TTN: variants seen among roughly 807,000 people sequenced by gnomAD.
The protein encoded by TTN is titin.
TTN carries 1,525 observed loss-of-function variants against 3,223.0 expected under a neutral mutation model. The ratio of observed to expected loss-of-function variants is 0.47; its 90% CI spans 0.45 to 0.49. TTN has a LOEUF of 0.49. Among genes scored for constraint, TTN ranks in the 20% least tolerant of loss-of-function variants. The pLI, the probability that TTN is intolerant of heterozygous loss-of-function variation, is 0.00. For missense variants in TTN, 40,786 were observed against 43,424.0 expected, an observed-to-expected ratio of 0.94 and a Z score of 5.40; for synonymous variants, 14,094 against 15,161.0, an observed-to-expected ratio of 0.93 and a Z score of 5.17.
Position 178,609,507 on chromosome 2 carries a change from T to G in TTN, c.51803A>C (p.Asp17268Ala). The G allele has an allele frequency of 3.7e-6, 6 of 1,612,592 alleles. No homozygotes were observed. Among genetic ancestry groups the G allele is most frequent in the Non-Finnish European group, 5.1e-6 (6 of 1,179,138 alleles). Reference sequence around the variant, plus strand: ...GTAAGGTGATCCAGAAATACTTGCATCAAGTGCTATTTCATCACCTCGTTT... The same window carrying G: ...GTAAGGTGATCCAGAAATACTTGCAGCAAGTGCTATTTCATCACCTCGTTT... ...EVKRGDEIAL[D>A]ASISGSPYPT... Residue 17268 changes from aspartate (D) to alanine (A), a missense_variant, in exon 273 of 363, where the codon GAT becomes GCT. Coordinates refer to ENST00000589042, the MANE Select transcript of TTN (RefSeq NM_001267550.2).
Position 178,547,177 on chromosome 2 carries a change from GTTCT to G in TTN, c.94344_94347del (p.Lys31448AsnfsTer8), listed in dbSNP as rs727503546. 1 of 1,613,734 alleles carries G rather than the reference GTTCT, an allele frequency of 6.2e-7. No individual in the cohort carries two copies. The highest frequency in any genetic ancestry group is 8.5e-7 in the Non-Finnish European group (1 of 1,179,770). On this transcript the variant is annotated frameshift_variant, in exon 340 of 363. Transcript: ENST00000589042. LOFTEE classifies it high-confidence loss of function. The stretch of plus-strand genomic sequence containing the variant: ...TCTTTCACCCAAAGAATTGTATTAC[GTTCT>G]TTCTTCTCAACCCAGTAGCCAATGA...
At chr2:178,799,033 C>A in intron 6 of TTN, 1 of 176,842 alleles carries the variant, frequency 5.7e-6, no homozygotes, top group Admixed American at 5.4e-5. Context: ...AAATCATATT[C>A]AGTAACTTCT....
Position 178,741,041 on chromosome 2 carries a change from T to C in TTN, c.12192A>G (p.Ala4064=). 1 of 1,613,952 alleles carries C rather than the reference T, an allele frequency of 6.2e-7. No homozygotes were observed. The highest frequency in any genetic ancestry group is 1.1e-5 in the South Asian group (1 of 91,088). ...TTGCAATTTCCTGCTCTGAGTCAAGTGCTTCAACTGCGGGACCCTTTAAGG... is the reference window on the plus strand; with the variant it reads ...TTGCAATTTCCTGCTCTGAGTCAAGCGCTTCAACTGCGGGACCCTTTAAGG... The part of the protein sequence containing the change: ...QTPLKGPAVE[A]LDSEQEIATF... Residue 4064 remains alanine, a synonymous_variant, in exon 48 of 363, where the codon GCA becomes GCG. Coordinates refer to ENST00000589042, the MANE Select transcript of TTN (RefSeq NM_001267550.2).
In TTN at chr2:178,629,537, C is replaced by T. The variant is rs907364302; in HGVS notation, c.44282-94G>A. 5 of 1,562,834 alleles carry T rather than the reference C, an allele frequency of 3.2e-6. No individual in the cohort carries two copies. In the South Asian group the frequency reaches 4.6e-5, roughly 14 times the overall value. Reference sequence around the variant, plus strand: ...AGATATGAATCTTCATGGTTGCTTTCTTCAAGAAGCCACAGGACTGGCCAC... The same window carrying T: ...AGATATGAATCTTCATGGTTGCTTTTTTCAAGAAGCCACAGGACTGGCCAC... On this transcript the variant is annotated intron_variant, in intron 239 of 362. Transcript: ENST00000589042.
Position 178,635,637 on chromosome 2 carries a change from T to A in TTN, c.41687A>T (p.Asp13896Val). 1 of 1,597,308 alleles carries A rather than the reference T, an allele frequency of 6.3e-7. No homozygotes were observed. Among genetic ancestry groups the A allele is most frequent in the Non-Finnish European group, 8.5e-7 (1 of 1,171,044 alleles). Residue 13896 changes from aspartate (D) to valine (V), a missense_variant, in exon 227 of 363, where the codon GAT (aspartate) becomes GTT (valine). Physicochemically the swap from Asp to Val is radical, Grantham distance 152. Coordinates refer to ENST00000589042, the MANE Select transcript of TTN (RefSeq NM_001267550.2). ...AATGTTTGGAGTATCTTTTGCTATATCACAGGCAAAAATAGCTGTCCCCTT... is the reference window on the plus strand; with the variant it reads ...AATGTTTGGAGTATCTTTTGCTATAACACAGGCAAAAATAGCTGTCCCCTT... ...KPKGTAIFAC[D>V]IAKDTPNIKW...
chr2:178,770,339 C>T lies in TTN; in HGVS notation c.8381-19G>A. 6.2e-7 allele frequency: 1 copy of T among 1,614,136 alleles called. No individual in the cohort carries two copies. Among genetic ancestry groups the T allele is most frequent in the Non-Finnish European group, 8.5e-7 (1 of 1,180,010 alleles). On this transcript the variant is annotated intron_variant, in intron 35 of 362. Transcript: ENST00000589042. ...TTGACAGCTAAGAGGAAAATTGGAG[C>T]AATTCAGTGATAGGGTTAACTTAAT...
Position 178,565,956 on chromosome 2 carries a change from T to C in TTN, c.80176A>G (p.Thr26726Ala), listed in dbSNP as rs1258866379. Residue 26726 changes from threonine (T) to alanine (A), a missense_variant, in exon 326 of 363, where the codon ACC becomes GCC. Physicochemically the swap from Thr to Ala is moderately conservative, Grantham distance 58. Coordinates refer to ENST00000589042, the MANE Select transcript of TTN (RefSeq NM_001267550.2). ...KNYVIDKRES[T>A]RKAYANVSSK... Reference sequence around the variant, plus strand: ...CTCACATTAGCATACGCTTTTCTGGTTGACTCACGTTTGTCAATCACATAG... The same window carrying C: ...CTCACATTAGCATACGCTTTTCTGGCTGACTCACGTTTGTCAATCACATAG... The C allele has an allele frequency of 1.2e-6, 2 of 1,613,632 alleles. No homozygotes were observed. Among genetic ancestry groups the C allele is most frequent in the African/African-American group, 1.3e-5 (1 of 75,026 alleles).
rs751701021 is a variant in TTN, at chr2:178,557,449, G to A, written c.87813C>T (p.Gly29271=). The change falls in exon 329 of 363, where the codon GGC becomes GGT. Residue 29271 remains glycine, a synonymous_variant. Transcript: ENST00000589042. ...TTCTGTCTTTCATTTCCAGGTGATA[G>A]CCTACGACTGCACTGCCTCCATTTG... ...PVSNGGSAVV[G]YHLEMKDRNS... The A allele has an allele frequency of 2.5e-6, 4 of 1,613,810 alleles. No homozygotes were observed. The highest frequency in any genetic ancestry group is 1.3e-5 in the African/African-American group (1 of 74,926).
chr2:178,671,849 T>TA, intron 155 of TTN, 122 bp downstream of exon 155: 1 of 1,057,352 alleles, frequency 9.5e-7, no homozygotes, highest in South Asian at 1.5e-5. Context: ...TCAACTAGTT[T>TA]AAACTCATGT....
intron 278 of TTN, among the ~76,000 whole-genome samples, 170 bp from the exon 279 acceptor site, chr2:178,605,883 C>T (rs1343055167): frequency 6.6e-6 from 1 of 151,952 alleles, no homozygotes; most frequent in Non-Finnish European, 1.5e-5. Flanking sequence ...TATAGACATT[C>T]ATGTAGACAG....
Position 178,694,335 on chromosome 2 carries a change from T to C in TTN, c.31426+264A>G, listed in dbSNP as rs568916689. ...ATTATATGCAATGGAATGCATTGCA[T>C]AGTGAAGTTAGCAAACTACTAATTA... On this transcript the variant is annotated intron_variant, in intron 117 of 362. Coordinates refer to ENST00000589042, the MANE Select transcript of TTN (RefSeq NM_001267550.2). Among the ~76,000 whole-genome samples, 38 of 152,292 alleles carry C rather than the reference T, an allele frequency of 2.5e-4. No individual in the cohort carries two copies. The South Asian group carries it at 6.0e-3, about 24-fold the overall frequency.
Position 178,647,278 on chromosome 2 carries a change from T to C in TTN, c.40141+103A>G, listed in dbSNP as rs533702110. The C allele has an allele frequency of 5.9e-6, 8 of 1,361,438 alleles. No homozygotes were observed. In the South Asian group the frequency reaches 1.1e-4, roughly 19 times the overall value. The allele number at this position is 1,361,438 out of a possible 1,614,324, so 84.3% of individuals were successfully genotyped here. A position where few individuals can be genotyped will look rare whatever the true frequency, so the allele number is the denominator to read the frequency against. On this transcript the variant is annotated intron_variant, in intron 214 of 362. Transcript: ENST00000589042. ...ATTCAGATGACCCCCCAAATATCAATAACTTCAATACAGACAGACAAATAC... is the reference window on the plus strand; with the variant it reads ...ATTCAGATGACCCCCCAAATATCAACAACTTCAATACAGACAGACAAATAC...
chr2:178,555,913 G>A (rs1701239270), intron 330 of TTN: 1 of 152,196 alleles, frequency 6.6e-6, no homozygotes, highest in Non-Finnish European at 1.5e-5. Flanking sequence ...TTATTTTCCA[G>A]AATGGTGAAG....
chr2:178,804,164 C>T (rs2094202046), intron 2 of TTN, among the ~76,000 whole-genome samples: 1 of 152,182 alleles, frequency 6.6e-6, no homozygotes, highest in African/African-American at 2.4e-5. Flanking sequence ...GCAGGCAGCC[C>T]AGACTGCCTA....
At chr2:178,788,091 C>G (rs770392042) in intron 13 of TTN, among the ~76,000 whole-genome samples, 4 of 152,068 alleles carry the variant, frequency 2.6e-5, no homozygotes, top group African/African-American at 9.7e-5. Flanking sequence ...AGATGGAACA[C>G]TAGAAGCACA....
chr2:178,701,491 C>T lies in TTN; in HGVS notation c.30598+37G>A, dbSNP rs762759444. The T allele has an allele frequency of 8.3e-5, 133 of 1,595,212 alleles. 1 individual carries two copies. Among genetic ancestry groups the T allele is most frequent in the Non-Finnish European group, 1.1e-4 (130 of 1,170,144 alleles). On this transcript the variant is annotated intron_variant, in intron 110 of 362. Transcript: ENST00000589042. ...ACAGATTCCTAGTGCTAGAATATTG[C>T]TGCTCCAAGCTCAGATGTTGAGGTT...
In TTN at chr2:178,623,590, TGAA is replaced by T. The variant is rs2058614261; in HGVS notation, c.44816-826_44816-824del. 2.0e-5 allele frequency among the ~76,000 whole-genome samples: 3 copies of T among 151,772 alleles called. No individual in the cohort carries two copies. In the South Asian group the frequency reaches 6.2e-4, roughly 32 times the overall value. ...CTTGGAGTGAAGGTAGATGTCAAGG[TGAA>T]GAAGGAGACCCAAGAAGCTACTTTG... On this transcript the variant is annotated intron_variant, in intron 242 of 362. Transcript: ENST00000589042.
intron 310 of TTN, 26 bp downstream of exon 310, chr2:178,584,642 CT>C (rs2048535434): frequency 1.2e-6 from 2 of 1,610,364 alleles, no homozygotes; most frequent in Non-Finnish European, 1.7e-6. Context: ...AAGAAAACAA[CT>C]TTTTTTCTCC....
Position 178,547,778 on chromosome 2 carries a change from G to T in TTN, c.93848C>A (p.Ser31283Tyr). 6.2e-7 allele frequency: 1 copy of T among 1,613,878 alleles called. No individual in the cohort carries two copies. The highest frequency in any genetic ancestry group is 8.5e-7 in the Non-Finnish European group (1 of 1,179,854). The change falls in exon 339 of 363, where the codon TCT becomes TAT. Residue 31283 changes from serine (S) to tyrosine (Y), a missense_variant. Coordinates refer to ENST00000589042, the MANE Select transcript of TTN (RefSeq NM_001267550.2). Reference sequence around the variant, plus strand: ...TTCCAGGGTCAAGAAGTATCTTCCAGAGTCACCTCTCATGCTGTCCTTTAC... The same window carrying T: ...TTCCAGGGTCAAGAAGTATCTTCCATAGTCACCTCTCATGCTGTCCTTTAC... Reference protein sequence around the residue: ...LTVKDSMRGDSGRYFLTLENT... With the variant: ...LTVKDSMRGDYGRYFLTLENT...
Sources: gnomAD v4.1 joint callset for allele counts (sites outside exome capture counted in the v4.1 genomes callset) on GRCh38, gnomAD v4.1.1 for gene constraint, MANE v1.5 for transcripts, NCBI Gene and HGNC (gene_info 2026-07-23, HGNC 2026-07-21) for gene names.